PCDH15: variants seen among roughly 807,000 people sequenced by gnomAD.
PCDH15 encodes the protein protocadherin related 15, also known as protocadherin-15.
PCDH15 carries 129 observed loss-of-function variants against 178.5 expected under a neutral mutation model. The ratio of observed to expected loss-of-function variants is 0.72; its 90% confidence interval spans 0.63 to 0.84. The LOEUF (loss-of-function observed/expected upper bound fraction) is 0.84. Among genes scored for constraint, PCDH15 ranks in the 40% least tolerant of loss-of-function variants. The pLI is 0.00. For synonymous variants in PCDH15, 800 were observed against 732.0 expected, an observed-to-expected ratio of 1.09 and a Z score of -1.50; for missense variants, 2,230 against 2,099.9, an observed-to-expected ratio of 1.06 and a Z score of -1.21.
intron 2 of PCDH15, among the ~76,000 whole-genome samples, chr10:54,646,036 C>T (rs1024176822): frequency 2.0e-5 from 3 of 151,978 alleles, no homozygotes; most frequent in African/African-American, 7.3e-5. Context: ...AACTACTATG[C>T]CTTAAATATT....
At chr10:55,432,978 C>A (rs1285983532) in intron 2 of PCDH15, among the ~76,000 whole-genome samples, 1 of 151,392 alleles carries the variant, frequency 6.6e-6, no homozygotes, top group African/African-American at 2.4e-5. Context: ...GAGCCAAGAT[C>A]GCGCCACTGC....
chr10:53,996,154 A>T (rs1251388601), intron 20 of PCDH15, among the ~76,000 whole-genome samples: 1 of 152,018 alleles, frequency 6.6e-6, no homozygotes, highest in African/African-American at 2.4e-5. Context: ...TTTTTTTTAA[A>T]TGCTCTTTAT....
intron 1 of PCDH15, among the ~76,000 whole-genome samples, chr10:55,190,264 T>TAA (rs34045347): frequency 5.5e-4 from 83 of 149,728 alleles, no homozygotes; most frequent in East Asian, 4.3e-3. Context: ...CTGAAGTTAT[T>TAA]AAAAAAAAAA....
chr10:53,905,678 T>A lies in PCDH15; in HGVS notation c.3374-2308A>T, dbSNP rs1260316341. 2.6e-5 allele frequency among the ~76,000 whole-genome samples: 4 copies of A among 152,228 alleles called. No homozygotes were observed. In the East Asian group the frequency reaches 7.7e-4, roughly 29 times the overall value. ...ACCATGTGTATATTCATATCCATAC[T>A]TATATGTATACTTTGTGCATATAAG... On this transcript the variant is annotated intron_variant, in intron 25 of 37. Coordinates refer to ENST00000644397, the MANE Select transcript of PCDH15 (RefSeq NM_001384140.1).
At chr10:54,902,485 T>A (rs949536596) in intron 2 of PCDH15, among the ~76,000 whole-genome samples, 1 of 152,162 alleles carries the variant, frequency 6.6e-6, no homozygotes, top group Non-Finnish European at 1.5e-5. Context: ...TGTCACCATA[T>A]TAAGAGATGC....
intron 2 of PCDH15, among the ~76,000 whole-genome samples, chr10:54,629,511 C>T (rs2093644765): frequency 6.6e-6 from 1 of 152,076 alleles, no homozygotes; most frequent in African/African-American, 2.4e-5. Context: ...ATTATTTCAA[C>T]AGACTCAGAT....
In PCDH15 at chr10:55,580,647, G is replaced by A. The variant is rs1354782255; in HGVS notation, c.-156+46978C>T. ...CAAAGTGCTGGGATTACAGGCATGA[G>A]CCACAGCGCCCGGCCATTACGATGG... On this transcript the variant is annotated intron_variant, in intron 2 of 5. Coordinates refer to the PCDH15 transcript ENST00000613346. 3.3e-5 allele frequency among the ~76,000 whole-genome samples: 5 copies of A among 152,306 alleles called. 1 individual carries two copies. The South Asian group carries it at 8.3e-4, about 25-fold the overall frequency.
At chr10:55,406,053 C>A (rs921783676) in intron 2 of PCDH15, among the ~76,000 whole-genome samples, 4 of 129,336 alleles carry the variant, frequency 3.1e-5, no homozygotes, top group Non-Finnish European at 6.5e-5. Flanking sequence ...ATCTAGTTGG[C>A]AGCATGTTCC....
chr10:54,068,848 G>A (rs2094185689), intron 17 of PCDH15, among the ~76,000 whole-genome samples: 1 of 151,652 alleles, frequency 6.6e-6, no homozygotes, highest in Non-Finnish European at 1.5e-5. Context: ...TAGTCTGTGT[G>A]TTATATTTTC....
At chr10:54,794,590 C>T (rs1338200812) in intron 1 of PCDH15, among the ~76,000 whole-genome samples, 1 of 151,778 alleles carries the variant, frequency 6.6e-6, no homozygotes. Context: ...GGTTAACAGA[C>T]TTTCAACACC....
intron 2 of PCDH15, among the ~76,000 whole-genome samples, chr10:55,561,400 G>T (rs1842196216): frequency 6.6e-6 from 1 of 151,818 alleles, no homozygotes; most frequent in Non-Finnish European, 1.5e-5. Flanking sequence ...GAATTAGCTG[G>T]AATAGCTAGA....
intron 2 of PCDH15, among the ~76,000 whole-genome samples, chr10:55,360,339 T>G (rs1216472450): frequency 6.6e-6 from 1 of 151,992 alleles, no homozygotes; most frequent in African/African-American, 2.4e-5. Flanking sequence ...GCTATCTTCA[T>G]GACCTTAGGA....
intron 3 of PCDH15, among the ~76,000 whole-genome samples, chr10:54,462,923 GT>G (rs1437841773): frequency 6.6e-6 from 1 of 151,280 alleles, no homozygotes; most frequent in African/African-American, 2.4e-5. Context: ...GTTGGTTTTT[GT>G]TTCTTTCATA....
At chr10:55,247,127 C>G (rs553670589) in intron 1 of PCDH15, among the ~76,000 whole-genome samples, 12 of 152,258 alleles carry the variant, frequency 7.9e-5, no homozygotes, top group African/African-American at 2.9e-4. Context: ...TCAGTTGACA[C>G]TGTATCTTAG....
intron 2 of PCDH15, among the ~76,000 whole-genome samples, chr10:54,558,609 C>A (rs2087630455): frequency 1.3e-5 from 2 of 152,016 alleles, no homozygotes; most frequent in Non-Finnish European, 2.9e-5. Flanking sequence ...TTACTCTTAC[C>A]TATTGTAGTA....
At chr10:53,882,950 C>G (rs2080834727) in intron 26 of PCDH15, among the ~76,000 whole-genome samples, 1 of 151,936 alleles carries the variant, frequency 6.6e-6, no homozygotes, top group Non-Finnish European at 1.5e-5. Flanking sequence ...GCAAATGGAC[C>G]AAGGAATACA....
intron 2 of PCDH15, among the ~76,000 whole-genome samples, chr10:54,531,251 C>T (rs2083891040): frequency 1.3e-5 from 2 of 152,124 alleles, no homozygotes; most frequent in Non-Finnish European, 2.9e-5. Context: ...AAGTTTCTAG[C>T]CTGTTAGGCC....
intron 2 of PCDH15, among the ~76,000 whole-genome samples, chr10:54,624,967 T>TA (rs1201976418): frequency 2.0e-5 from 3 of 152,140 alleles, no homozygotes; most frequent in African/African-American, 7.2e-5. Context: ...AATGTGATAA[T>TA]AAAGTACACA....
At chr10:55,164,988 T>C (rs550206823) in intron 2 of PCDH15, among the ~76,000 whole-genome samples, 20 of 152,252 alleles carry the variant, frequency 1.3e-4, no homozygotes, top group Non-Finnish European at 2.6e-4. Context: ...TATCTATCCG[T>C]CATCTATCCA....
Sources: allele counts gnomAD v4.1 joint callset (sites outside exome capture counted in the v4.1 genomes callset), GRCh38; gene constraint gnomAD v4.1.1; transcripts MANE v1.5; gene names NCBI Gene and HGNC (gene_info 2026-07-23, HGNC 2026-07-21).